The following NUDT11 variants were observed in gnomAD, a reference collection of about 807,000 sequenced individuals.
The protein encoded by NUDT11 is nudix hydrolase 11, also known as diphosphoinositol polyphosphate phosphohydrolase 3-beta.
A neutral mutation model predicts 10.0 loss-of-function variants in NUDT11; 1 was observed. That is an observed-to-expected ratio of 0.10 (90% CI 0.04 to 0.47). The LOEUF (loss-of-function observed/expected upper bound fraction) is 0.47, where lower values mean the gene tolerates loss of function less well. Among genes scored for constraint, NUDT11 ranks in the 20% least tolerant of loss-of-function variants. The probability of loss-of-function intolerance (pLI) is 0.96; values close to 1 mark genes in which losing one functional copy is unlikely to be tolerated. For synonymous variants in NUDT11, 63 were observed against 65.9 expected, an observed-to-expected ratio of 0.96 and a Z score of 0.21; for missense variants, 47 against 140.4, an observed-to-expected ratio of 0.33 and a Z score of 3.36.
In NUDT11 at chrX:51,496,163, G is replaced by T. The variant is rs1557326645; in HGVS notation, c.282C>A (p.Tyr94Ter). The T allele has an allele frequency of 8.3e-7, 1 of 1,209,706 alleles. No individual in the cohort carries two copies. The highest frequency in any genetic ancestry group is 1.1e-6 in the Non-Finnish European group (1 of 895,087). ...GCTCCGTGACAGTCAGTACATACAC[G>T]TACGTTCTGTGCTTGCGATCCTGGT... ...EQNQDRKHRT[Y>*]VYVLTVTELL... is the part of the protein sequence containing the mutation. The change falls in exon 1 of 2, where the codon TAC becomes TAA. Residue 94 changes from tyrosine to a stop codon, truncating the protein, a stop_gained. Coordinates refer to ENST00000375992, the MANE Select transcript of NUDT11 (RefSeq NM_018159.4). LOFTEE classifies it high-confidence loss of function.
Position 51,490,847 on chromosome X carries a change from T to C in NUDT11, c.*902A>G, listed in dbSNP as rs1268130898. On this transcript the variant is annotated 3_prime_UTR_variant, in exon 2 of 2. Coordinates refer to ENST00000375992, the MANE Select transcript of NUDT11 (RefSeq NM_018159.4). ...TTAAGTTTGGAAACTGCCTATGATA[T>C]AGCCTGTTGGCTCTGGCATCAAATA... 1.8e-5 allele frequency: 2 copies of C among 112,095 alleles called. No homozygotes were observed. The highest frequency in any genetic ancestry group is 6.5e-5 in the African/African-American group (2 of 30,806). 9.2% of individuals were successfully genotyped at this position (112,095 alleles called of 1,213,427 possible). A position where few individuals can be genotyped will look rare whatever the true frequency, so the allele number is the denominator to read the frequency against.
rs1319196315 is a variant in NUDT11 at position 51,494,947 on chromosome X, C to G, written c.494+1004G>C. ...AGTCAGGGAGGTTTAAGCGGAATGTCACTACATTCAAATATGGGAGGGAGA... is the reference window on the plus strand; with the variant it reads ...AGTCAGGGAGGTTTAAGCGGAATGTGACTACATTCAAATATGGGAGGGAGA... On this transcript the variant is annotated intron_variant, in intron 1 of 1. Transcript: ENST00000375992. Among the ~76,000 whole-genome samples the G allele has an allele frequency of 2.7e-5, 3 of 111,586 alleles. No homozygotes were observed. In the East Asian group the frequency reaches 8.4e-4, roughly 31 times the overall value.
intron 1 of NUDT11, 71 bp from the exon 2 acceptor site, chrX:51,491,820 G>A (rs1458715643): frequency 8.8e-6 from 5 of 567,068 alleles, no homozygotes; most frequent in Non-Finnish European, 1.6e-5. Flanking sequence ...AATGTACCAA[G>A]AGCTTATTAT....
chrX:51,495,066 T>C (rs1339368944), intron 1 of NUDT11, among the ~76,000 whole-genome samples: 1 of 111,801 alleles, frequency 8.9e-6, no homozygotes, highest in East Asian at 2.8e-4. Flanking sequence ...GTATGGGAAA[T>C]CAAATTCTGT....
rs781996427 is a variant in NUDT11, at chrX:51,496,525, G to A, written c.-81C>T. 1.8e-5 allele frequency: 21 copies of A among 1,173,315 alleles called. No homozygotes were observed. The South Asian group carries it at 3.7e-4, about 21-fold the overall frequency. ...CGCCGCTGCCGCTGCCGCCGCCGGG[G>A]AACAGCCGAGGTGCTGGGAAGAGAA... On this transcript the variant is annotated 5_prime_UTR_variant, in exon 1 of 2. Transcript: ENST00000375992.
At chrX:51,493,245 A>G (rs970705389) in intron 1 of NUDT11, among the ~76,000 whole-genome samples, 7 of 112,406 alleles carry the variant, frequency 6.2e-5, no homozygotes, top group Admixed American at 2.8e-4. Context: ...CTATTTATAA[A>G]ACATGCAGAA....
rs782329029 is a variant in NUDT11 at position 51,492,876 on chromosome X, G to C, written c.*-1127C>G. Among the ~76,000 whole-genome samples, 3 of 112,462 alleles carry C rather than the reference G, an allele frequency of 2.7e-5. No homozygotes were observed. In the South Asian group the frequency reaches 1.1e-3, roughly 41 times the overall value. On this transcript the variant is annotated intron_variant, in intron 1 of 1. Transcript: ENST00000375992. ...AGTACCTGGTGGCTCCCCCACAAGGGAATTCTAGAGGTGAAAGCTCTGCCA... is the reference window on the plus strand; with the variant it reads ...AGTACCTGGTGGCTCCCCCACAAGGCAATTCTAGAGGTGAAAGCTCTGCCA...
At chrX:51,493,515 A>T (rs781831439) in intron 1 of NUDT11, among the ~76,000 whole-genome samples, 1 of 112,055 alleles carries the variant, frequency 8.9e-6, no homozygotes, top group Non-Finnish European at 1.9e-5. Flanking sequence ...AACAAATCTT[A>T]TAACACATTT....
In NUDT11 at chrX:51,496,572, G is replaced by A; in HGVS notation, c.-128C>T. 9.5e-7 allele frequency: 1 copy of A among 1,051,240 alleles called. No individual in the cohort carries two copies. Among genetic ancestry groups the A allele is most frequent in the East Asian group, 3.3e-5 (1 of 29,944 alleles). 86.6% of individuals were successfully genotyped at this position (1,051,240 alleles called of 1,213,427 possible). A position where few individuals can be genotyped will look rare whatever the true frequency, so the allele number is the denominator to read the frequency against. ...AGAAAGGGCCGAGGCGAGGGGCGGGGAAAGAGAGGCGCCTCCGTCTGCCCG... is the reference window on the plus strand; with the variant it reads ...AGAAAGGGCCGAGGCGAGGGGCGGGAAAAGAGAGGCGCCTCCGTCTGCCCG... On this transcript the variant is annotated 5_prime_UTR_variant, in exon 1 of 2. Coordinates refer to ENST00000375992, the MANE Select transcript of NUDT11 (RefSeq NM_018159.4).
rs1476007466 is a variant in NUDT11, at chrX:51,491,558, A to G, written c.*191T>C. ...TGCTGAATTAAGAGTCTATTCACGT[A>G]TAAGAGTACAACAACCAGAGCAAGA... On this transcript the variant is annotated 3_prime_UTR_variant, in exon 2 of 2. Coordinates refer to ENST00000375992, the MANE Select transcript of NUDT11 (RefSeq NM_018159.4). The G allele has an allele frequency of 6.9e-6, 3 of 435,192 alleles. No homozygotes were observed. Among genetic ancestry groups the G allele is most frequent in the South Asian group, 7.7e-5 (2 of 25,851 alleles). The allele number at this position is 435,192 out of a possible 1,213,427, so 35.9% of individuals were successfully genotyped here.
At position 51,491,038 on chromosome X, in the gene NUDT11, T is replaced by C. The variant is rs1437434811; in HGVS notation, c.*711A>G. 2 of 112,648 alleles carry C rather than the reference T, an allele frequency of 1.8e-5. No homozygotes were observed. The highest frequency in any genetic ancestry group is 6.5e-5 in the African/African-American group (2 of 30,917). The allele number at this position is 112,648 out of a possible 1,213,427, so 9.3% of individuals were successfully genotyped here. ...ACAACATTATTTTGCGTCCACTGTATTTATTTTTACAATTACCTTTATAGC... is the reference window on the plus strand; with the variant it reads ...ACAACATTATTTTGCGTCCACTGTACTTATTTTTACAATTACCTTTATAGC... On this transcript the variant is annotated 3_prime_UTR_variant, in exon 2 of 2. Coordinates refer to ENST00000375992, the MANE Select transcript of NUDT11 (RefSeq NM_018159.4).
rs182200263 is a variant in NUDT11 at position 51,490,516 on chromosome X, G to A, written c.*1233C>T. On this transcript the variant is annotated 3_prime_UTR_variant, in exon 2 of 2. Transcript: ENST00000375992. ...AGACTGCTGATATCACACATCCCAT[G>A]GCAAACTCCGTAAGATTTCTTCTAA... 8.9e-6 allele frequency: 1 copy of A among 111,793 alleles called. No homozygotes were observed. Among genetic ancestry groups the A allele is most frequent in the East Asian group, 2.8e-4 (1 of 3,548 alleles). The allele number at this position is 111,793 out of a possible 1,213,427, so 9.2% of individuals were successfully genotyped here.
chrX:51,495,818 G>C, intron 1 of NUDT11, 133 bp downstream of exon 1: 1 of 961,031 alleles, frequency 1.0e-6, no homozygotes, highest in Non-Finnish European at 1.4e-6. Flanking sequence ...TGATTCAGAG[G>C]GTCTGCCAAG....
chrX:51,494,312 G>A (rs781849773), intron 1 of NUDT11, among the ~76,000 whole-genome samples: 1 of 112,077 alleles, frequency 8.9e-6, no homozygotes, highest in East Asian at 2.8e-4. Context: ...ATCAGACCAT[G>A]TAATTCAGAT....
intron 1 of NUDT11, among the ~76,000 whole-genome samples, chrX:51,494,085 T>G (rs1925651540): frequency 8.9e-6 from 1 of 111,973 alleles, no homozygotes; most frequent in African/African-American, 3.2e-5. Context: ...ACTGAATAAT[T>G]AAGTCAAATT....
At chrX:51,495,695 T>C (rs1166017688) in intron 1 of NUDT11, among the ~76,000 whole-genome samples, 1 of 96,597 alleles carries the variant, frequency 1.0e-5, no homozygotes, top group Admixed American at 1.2e-4. Flanking sequence ...CCAAGCCGCA[T>C]AGGCTTCCCC....
At chrX:51,495,712 T>A (rs1925685522) in intron 1 of NUDT11, among the ~76,000 whole-genome samples, 1 of 98,270 alleles carries the variant, frequency 1.0e-5, no homozygotes, top group Admixed American at 1.2e-4. Flanking sequence ...CCCCGAAACA[T>A]TTTACAGTGT....
intron 1 of NUDT11, among the ~76,000 whole-genome samples, chrX:51,493,010 A>T (rs1925628268): frequency 2.7e-5 from 3 of 112,684 alleles, no homozygotes; most frequent in Admixed American, 9.4e-5. Context: ...TTGCAAATGA[A>T]TCTATGCAAA....
chrX:51,496,214 G>T lies in NUDT11; in HGVS notation c.231C>A (p.Gly77=). The change falls in exon 1 of 2, where the codon GGC becomes GGA. Residue 77 remains glycine (G), a synonymous_variant. Transcript: ENST00000375992. ...YEEAGVKGKL[G]RLLGVFEQNQ... ...TCTGTTCGAAGACGCCCAGGAGCCG[G>T]CCTAACTTCCCCTTGACTCCCGCTT... 8.3e-7 allele frequency: 1 copy of T among 1,211,357 alleles called. No individual in the cohort carries two copies. The highest frequency in any genetic ancestry group is 1.1e-6 in the Non-Finnish European group (1 of 895,361).
Sources: allele counts gnomAD v4.1 joint callset (sites outside exome capture counted in the v4.1 genomes callset), GRCh38; gene constraint gnomAD v4.1.1; transcripts MANE v1.5; gene names NCBI Gene and HGNC (gene_info 2026-07-23, HGNC 2026-07-21).